The following PRELID2 variants were observed in gnomAD, a reference collection of about 807,000 sequenced individuals.
The protein encoded by PRELID2 is PRELI domain-containing protein 2.
In PRELID2, 25 loss-of-function variants were observed where a neutral mutation model predicts 28.4. The observed-to-expected ratio is 0.88, with a 90% CI of 0.64 to 1.23. The LOEUF (loss-of-function observed/expected upper bound fraction) is 1.23, where lower values mean the gene tolerates loss of function less well. PRELID2 is among the 50% of genes most tolerant of loss of function. The pLI is 0.00. For missense variants in PRELID2, 201 were observed against 214.4 expected (o/e 0.94, Z 0.39); for synonymous variants, 76 against 71.6 (o/e 1.06, Z -0.31).
the PRELID2 span, among the ~76,000 whole-genome samples, chr5:145,434,729 T>C: frequency 5.9e-5 from 9 of 152,314 alleles, no homozygotes; most frequent in East Asian, 1.5e-3. Flanking sequence ...CCAAGGAAGA[T>C]GCAGAAGTGG....
At chr5:145,746,497 T>C (rs1254865016) in intron 1 of PRELID2, among the ~76,000 whole-genome samples, 1 of 152,122 alleles carries the variant, frequency 6.6e-6, no homozygotes, top group Non-Finnish European at 1.5e-5. Context: ...TAAATATATA[T>C]ATGTACCCAA....
At chr5:145,435,309 T>C in the PRELID2 span, among the ~76,000 whole-genome samples, 2 of 152,102 alleles carry the variant, frequency 1.3e-5, no homozygotes, top group Non-Finnish European at 2.9e-5. Flanking sequence ...TTGAGCTGAC[T>C]CATAAGGGAA....
chr5:145,344,516 A>G, the PRELID2 span, among the ~76,000 whole-genome samples: 1 of 152,076 alleles, frequency 6.6e-6, no homozygotes, highest in Non-Finnish European at 1.5e-5. Context: ...TATATTATAA[A>G]CCATGCTTTA....
At chr5:145,501,710 C>T (rs1172674261) in intron 1 of PRELID2, among the ~76,000 whole-genome samples, 1 of 152,094 alleles carries the variant, frequency 6.6e-6, no homozygotes, top group Non-Finnish European at 1.5e-5. Context: ...TACCCAGTCT[C>T]GGTTATGTAT....
At chr5:145,653,308 T>G (rs1212776335) in intron 1 of PRELID2, among the ~76,000 whole-genome samples, 1 of 152,052 alleles carries the variant, frequency 6.6e-6, no homozygotes, top group Non-Finnish European at 1.5e-5. Flanking sequence ...ATGGGAGACT[T>G]TAACACCCCA....
At chr5:145,240,412 TA>T in the PRELID2 span, among the ~76,000 whole-genome samples, 38 of 152,112 alleles carry the variant, frequency 2.5e-4, no homozygotes, top group African/African-American at 3.4e-4. Context: ...TAAACAAAAA[TA>T]TTTTTTTCTG....
chr5:145,368,568 A>T, the PRELID2 span, among the ~76,000 whole-genome samples: 2 of 151,914 alleles, frequency 1.3e-5, no homozygotes, highest in South Asian at 4.1e-4. Context: ...CTGAAAGATC[A>T]TTTACTTCTG....
chr5:145,254,016 TACACACAC>T, the PRELID2 span, among the ~76,000 whole-genome samples: 1 of 151,688 alleles, frequency 6.6e-6, no homozygotes, highest in African/African-American at 2.4e-5. Flanking sequence ...CACACACACA[TACACACAC>T]ACATAACGAC....
chr5:145,355,253 T>G, the PRELID2 span, among the ~76,000 whole-genome samples: 1 of 152,126 alleles, frequency 6.6e-6, no homozygotes, highest in Non-Finnish European at 1.5e-5. Flanking sequence ...TACCATAGAA[T>G]TAACTGCAAC....
At chr5:145,547,140 C>T (rs1233531425) in intron 1 of PRELID2, among the ~76,000 whole-genome samples, 2 of 152,148 alleles carry the variant, frequency 1.3e-5, no homozygotes, top group Non-Finnish European at 2.9e-5. Context: ...CAAAATTTGG[C>T]AGCAAAGTCT....
At chr5:145,740,937 TG>T (rs1308058609) in intron 1 of PRELID2, among the ~76,000 whole-genome samples, 8 of 37,656 alleles carry the variant, frequency 2.1e-4, no homozygotes, top group East Asian at 1.2e-3. Flanking sequence ...TAAATATATA[TG>T]TACATATATT....
chr5:145,244,866 A>C, the PRELID2 span, among the ~76,000 whole-genome samples: 1 of 152,110 alleles, frequency 6.6e-6, no homozygotes, highest in African/African-American at 2.4e-5. Context: ...ACCTAGAATA[A>C]AATCAGCACT....
intron 1 of PRELID2, among the ~76,000 whole-genome samples, chr5:145,491,404 T>A (rs1053881608): frequency 2.0e-5 from 3 of 152,136 alleles, no homozygotes; most frequent in Non-Finnish European, 4.4e-5. Context: ...GCTCTGCCCC[T>A]TTATTCCCTT....
chr5:145,385,156 T>C, the PRELID2 span, among the ~76,000 whole-genome samples: 2 of 152,196 alleles, frequency 1.3e-5, no homozygotes, highest in Non-Finnish European at 2.9e-5. Flanking sequence ...CGTGTTATAC[T>C]GCATGTAAAA....
chr5:145,451,708 G>GT, the PRELID2 span, among the ~76,000 whole-genome samples: 1 of 152,168 alleles, frequency 6.6e-6, no homozygotes, highest in African/African-American at 2.4e-5. Flanking sequence ...AATTTCAGGA[G>GT]TAAGTTCAAA....
chr5:145,614,455 G>A (rs1753665944), intron 1 of PRELID2, among the ~76,000 whole-genome samples: 1 of 152,202 alleles, frequency 6.6e-6, no homozygotes, highest in Non-Finnish European at 1.5e-5. Flanking sequence ...CCATGAGCAT[G>A]GGATGCATTT....
At chr5:145,252,946 T>TA in the PRELID2 span, among the ~76,000 whole-genome samples, 1 of 152,120 alleles carries the variant, frequency 6.6e-6, no homozygotes, top group Non-Finnish European at 1.5e-5. Flanking sequence ...TACTATATTT[T>TA]AAAAAACATT....
the PRELID2 span, among the ~76,000 whole-genome samples, chr5:145,287,484 C>T: frequency 1.3e-5 from 2 of 152,098 alleles, no homozygotes; most frequent in Non-Finnish European, 2.9e-5. Context: ...TATCACACTA[C>T]ACAGAATGAT....
chr5:145,392,490 G>C, the PRELID2 span, among the ~76,000 whole-genome samples: 9 of 152,172 alleles, frequency 5.9e-5, no homozygotes, highest in Non-Finnish European at 8.8e-5. Flanking sequence ...AGATTTGGGT[G>C]AGGATACAGA....
Sources: gnomAD v4.1 joint callset for allele counts (sites outside exome capture counted in the v4.1 genomes callset) on GRCh38, gnomAD v4.1.1 for gene constraint, MANE v1.5 for transcripts, NCBI Gene and HGNC (gene_info 2026-07-23, HGNC 2026-07-21) for gene names.